LILRB2: variants seen among roughly 807,000 people sequenced by gnomAD.
The protein encoded by LILRB2 is leukocyte immunoglobulin-like receptor subfamily B member 2.
Under a neutral mutation model 72.7 loss-of-function variants are expected in LILRB2, and 47 were observed. That is an observed-to-expected ratio of 0.65 (90% CI 0.51 to 0.82). The LOEUF (loss-of-function observed/expected upper bound fraction) is 0.82, where lower values mean the gene tolerates loss of function less well. LILRB2 is among the 40% of genes least tolerant of loss of function. LILRB2 has a pLI of 0.00. For missense variants in LILRB2, 767 were observed against 764.8 expected, an observed-to-expected ratio of 1.00 and a Z score of -0.03; for synonymous variants, 279 against 313.7, an observed-to-expected ratio of 0.89 and a Z score of 1.17.
intron 1 of LILRB2, 123 bp from the exon 2 acceptor site, chr19:54,280,667 G>A (rs2147794809): frequency 3.7e-6 from 5 of 1,341,392 alleles, no homozygotes; most frequent in East Asian, 4.8e-5. Context: ...AAGCGGAACT[G>A]CCCTCCCAGG....
At chr19:54,278,031 C>T in intron 7 of LILRB2, 92 bp from the exon 8 acceptor site, 1 of 1,149,376 alleles carries the variant, frequency 8.7e-7, no homozygotes, top group Non-Finnish European at 1.2e-6. Context: ...CCTGTGGCCT[C>T]CCCAGGCCCC....
At chr19:54,276,518 C>T (rs567600237) in intron 10 of LILRB2, 62 bp from the exon 11 acceptor site, 8 of 1,315,164 alleles carry the variant, frequency 6.1e-6, no homozygotes, top group Non-Finnish European at 8.3e-6. Context: ...CCTGCACACA[C>T]AGCTCGAAGG....
chr19:54,280,417 G>C, intron 2 of LILRB2, 46 bp downstream of exon 2: 1 of 1,614,020 alleles, frequency 6.2e-7, no homozygotes, highest in Non-Finnish European at 8.5e-7. Flanking sequence ...GCTGTGGGGT[G>C]AGGTCCCTCC....
Position 54,279,862 on chromosome 19 carries a change from C to T in LILRB2, c.284G>A (p.Arg95Gln), listed in dbSNP as rs145209585. 2.1e-5 allele frequency: 34 copies of T among 1,613,992 alleles called. No homozygotes were observed. Among genetic ancestry groups the T allele is most frequent in the African/African-American group, 6.7e-5 (5 of 74,892 alleles). Residue 95 changes from arginine to glutamine, a missense_variant, in exon 4 of 14, where the codon CGA becomes CAA. Arg to Gln is a conservative substitution (Grantham distance 43, BLOSUM62 1). Transcript: ENST00000314446. The part of the protein sequence containing the change: ...IPSITWEHTG[R>Q]YGCQYYSRAR... ...GCGGCTGTAATACTGACAGCCATAT[C>T]GCCCTGTGTGTTCCCAGGTGATGGA...
At position 54,274,480 on chromosome 19, in the gene LILRB2, GTTGCTTT is replaced by G. The variant is rs201410636; in HGVS notation, c.*196_*202del. 1.6e-5 allele frequency: 15 copies of G among 955,144 alleles called. No homozygotes were observed. The East Asian group carries it at 3.7e-4, about 24-fold the overall frequency. 59.2% of individuals were successfully genotyped at this position (955,144 alleles called of 1,614,324 possible). A position where few individuals can be genotyped will look rare whatever the true frequency, so the allele number is the denominator to read the frequency against. Reference sequence around the variant, plus strand: ...TAACTCATTGATTATTGAGAAGTCTGTTGCTTTAATTAAAAAATGTAGGGATATTAGT... The same window carrying G: ...TAACTCATTGATTATTGAGAAGTCTGAATTAAAAAATGTAGGGATATTAGT... On this transcript the variant is annotated 3_prime_UTR_variant, in exon 14 of 14. Transcript: ENST00000314446.
In LILRB2 at chr19:54,276,870, G is replaced by A. The variant is rs1190768001; in HGVS notation, c.1417C>T (p.Leu473Phe). ...GILVAVVLLL[L>F]LLLLLFLILR... ...ATGAGGAAGAGGAGGAGGAGGAGGA[G>A]GAGCAGTAGGACGACGGCCACCAAG... Residue 473 changes from leucine (L) to phenylalanine (F), a missense_variant, in exon 10 of 14, where the codon CTC becomes TTC. This residue lies in a region of LILRB2 where 162 missense variants were observed against 176.7 expected (regional missense o/e 0.92). Coordinates refer to ENST00000314446, the MANE Select transcript of LILRB2 (RefSeq NM_001080978.4). 2 of 1,613,968 alleles carry A rather than the reference G, an allele frequency of 1.2e-6. No individual in the cohort carries two copies. The highest frequency in any genetic ancestry group is 1.7e-6 in the Non-Finnish European group (2 of 1,179,956).
intron 2 of LILRB2, 52 bp from the exon 3 acceptor site, chr19:54,280,351 C>T: frequency 1.2e-6 from 2 of 1,614,164 alleles, no homozygotes; most frequent in African/African-American, 1.3e-5. Context: ...TGAGCAGGTC[C>T]TCCCCTCCCT....
chr19:54,278,215 G>C, intron 7 of LILRB2, 45 bp downstream of exon 7: 1 of 1,609,596 alleles, frequency 6.2e-7, no homozygotes, highest in Non-Finnish European at 8.5e-7. Flanking sequence ...GGCAGGGCCT[G>C]AGCTGAGCCT....
Position 54,279,988 on chromosome 19 carries a change from A to G in LILRB2, c.158T>C (p.Leu53Pro). 6.2e-7 allele frequency: 1 copy of G among 1,614,076 alleles called. No individual in the cohort carries two copies. The highest frequency in any genetic ancestry group is 8.5e-7 in the Non-Finnish European group (1 of 1,179,974). ...ATATAGACGGTACTCCTGGGCTTCAAGGCTCCCCTGACAACTGAGGGTGAC... is the reference window on the plus strand; with the variant it reads ...ATATAGACGGTACTCCTGGGCTTCAGGGCTCCCCTGACAACTGAGGGTGAC... ...SPVTLSCQGS[L>P]EAQEYRLYRE... is the part of the protein sequence containing the mutation. Residue 53 changes from leucine (L) to proline (P), a missense_variant, in exon 4 of 14, where the codon CTT (leucine) becomes CCT (proline). Leu to Pro is a moderately conservative substitution (Grantham distance 98). This residue lies in a region of LILRB2 where 599 missense variants were observed against 568.2 expected (regional missense o/e 1.05). Transcript: ENST00000314446.
chr19:54,280,464 G>C lies in LILRB2; in HGVS notation c.33C>G (p.Leu11=). 1.2e-6 allele frequency: 2 copies of C among 1,613,958 alleles called. No homozygotes were observed. The highest frequency in any genetic ancestry group is 1.7e-6 in the Non-Finnish European group (2 of 1,179,958). MTPIVTVLIC[L]GLSLGPRTRV... is the part of the protein sequence containing the mutation. ...CTCCCCTCTCTCTTCAAATCTCACC[G>C]AGACAGATCAGGACTGTGACGATGG... Residue 11 remains leucine (L), a splice_region_variant and synonymous_variant, in exon 2 of 14, where the codon CTC becomes CTG. Transcript: ENST00000314446.
chr19:54,280,717 G>A (rs1362233766), intron 1 of LILRB2, 173 bp from the exon 2 acceptor site: 10 of 716,034 alleles, frequency 1.4e-5, no homozygotes, highest in Non-Finnish European at 2.1e-5. Flanking sequence ...GTGGGGGCAG[G>A]CACTGGGCCC....
In LILRB2 at chr19:54,280,485, G is replaced by A. The variant is rs764658904; in HGVS notation, c.12C>T (p.Ile4=). MTP[I]VTVLICLGLS... ...CACCGAGACAGATCAGGACTGTGAC[G>A]ATGGGGGTCATGGCGTCTCCTCCCA... The change falls in exon 2 of 14, where the codon ATC becomes ATT. Residue 4 remains isoleucine, a synonymous_variant. Coordinates refer to ENST00000314446, the MANE Select transcript of LILRB2 (RefSeq NM_001080978.4). 3.7e-6 allele frequency: 6 copies of A among 1,613,842 alleles called. No individual in the cohort carries two copies. Among genetic ancestry groups the A allele is most frequent in the East Asian group, 2.2e-5 (1 of 44,872 alleles).
chr19:54,277,093 C>T (rs1375020787), intron 9 of LILRB2, 164 bp from the exon 10 acceptor site: 2 of 1,507,130 alleles, frequency 1.3e-6, no homozygotes, highest in Non-Finnish European at 1.8e-6. Context: ...AACTGACGCT[C>T]AGAGAGGGGA....
intron 5 of LILRB2, 79 bp from the exon 6 acceptor site, chr19:54,279,187 C>G: frequency 6.4e-7 from 1 of 1,561,058 alleles, no homozygotes; most frequent in South Asian, 1.2e-5. Context: ...CGGTGCCTCA[C>G]CACTGCTGAT....
chr19:54,278,582 G>A lies in LILRB2; in HGVS notation c.956-20C>T, dbSNP rs1490681996. On this transcript the variant is annotated intron_variant, in intron 6 of 13. Coordinates refer to ENST00000314446, the MANE Select transcript of LILRB2 (RefSeq NM_001080978.4). The stretch of plus-strand genomic sequence containing the variant: ...TCTGTCCTGGAGAGAAGAAGGATGG[G>A]TGAGGGGCTGCCCCACCTTGCTCTG... 2 of 1,612,044 alleles carry A rather than the reference G, an allele frequency of 1.2e-6. No homozygotes were observed. The highest frequency in any genetic ancestry group is 2.7e-5 in the African/African-American group (2 of 74,850).
intron 12 of LILRB2, 113 bp from the exon 13 acceptor site, chr19:54,276,116 G>A (rs2080209713): frequency 6.4e-7 from 1 of 1,554,066 alleles, no homozygotes; most frequent in South Asian, 1.2e-5. Flanking sequence ...GGGAGGGGCT[G>A]CAATGTCCCT....
Position 54,279,473 on chromosome 19 carries a change from G to A in LILRB2, c.530C>T (p.Ser177Phe), listed in dbSNP as rs1387605211. The stretch of plus-strand genomic sequence containing the variant: ...GGGGCCCACGGAGAAGATGGCGCGG[G>A]ACGACCCACGGGCATGGGGCTGGGA... ...LNSQPHARGS[S>F]RAIFSVGPVS... is the part of the protein sequence containing the mutation. Residue 177 changes from serine to phenylalanine, a missense_variant, in exon 5 of 14, where the codon TCC becomes TTC. Transcript: ENST00000314446. The A allele has an allele frequency of 6.2e-7, 1 of 1,614,086 alleles. No individual in the cohort carries two copies. Among genetic ancestry groups the A allele is most frequent in the Non-Finnish European group, 8.5e-7 (1 of 1,180,040 alleles).
rs1210370685 is a variant in LILRB2 at position 54,280,521 on chromosome 19, C to G, written c.-25G>C. 1 of 1,613,870 alleles carries G rather than the reference C, an allele frequency of 6.2e-7. No homozygotes were observed. Among genetic ancestry groups the G allele is most frequent in the Non-Finnish European group, 8.5e-7 (1 of 1,179,986 alleles). On this transcript the variant is annotated 5_prime_UTR_variant, in exon 2 of 14. Transcript: ENST00000314446. Reference sequence around the variant, plus strand: ...TGGCGTCTCCTCCCACTGCCCTGCTCTGCGGATGGATGAGCCCTCGGTGCT... The same window carrying G: ...TGGCGTCTCCTCCCACTGCCCTGCTGTGCGGATGGATGAGCCCTCGGTGCT...
Position 54,275,363 on chromosome 19 carries a change from G to A in LILRB2, c.1648-534C>T, listed in dbSNP as rs144529871. On this transcript the variant is annotated intron_variant, in intron 13 of 13. Transcript: ENST00000314446. ...GCAGGGGCTCGTCCATTAGAGGATC[G>A]TGTGCCCCACTCTGTCCAGGCTTCT... 1.5e-3 allele frequency: 756 copies of A among 518,576 alleles called. 5 individuals carry two copies. The highest frequency in any genetic ancestry group is 8.8e-3 in the African/African-American group (456 of 51,796). 32.1% of individuals were successfully genotyped at this position (518,576 alleles called of 1,614,324 possible).
Sources: allele counts gnomAD v4.1 joint callset, GRCh38; gene constraint gnomAD v4.1.1; regional missense constraint gnomAD v4.1.1; transcripts MANE v1.5; gene names NCBI Gene and HGNC (gene_info 2026-07-23, HGNC 2026-07-21).